GNA14: variants seen among roughly 807,000 people sequenced by gnomAD.
GNA14 encodes G protein subunit alpha 14, also known as guanine nucleotide-binding protein subunit alpha-14.
A neutral mutation model predicts 42.0 loss-of-function variants in GNA14; 50 were observed. The observed-to-expected ratio is 1.19, with a 90% CI of 0.95 to 1.51. The LOEUF (loss-of-function observed/expected upper bound fraction) is 1.51. Ranked by LOEUF, GNA14 falls within the 40% of genes most tolerant of loss-of-function variation. The pLI is 0.00. For synonymous variants in GNA14, 173 were observed against 163.1 expected, an observed-to-expected ratio of 1.06 and a Z score of -0.46; for missense variants, 473 against 446.2, an observed-to-expected ratio of 1.06 and a Z score of -0.54.
intron 2 of GNA14, among the ~76,000 whole-genome samples, chr9:77,497,868 T>G (rs1300560851): frequency 1.3e-5 from 2 of 151,716 alleles, no homozygotes; most frequent in Non-Finnish European, 2.9e-5. Context: ...GCAACACGAA[T>G]TAGCATAAAT....
chr9:77,566,057 A>T (rs2131792328), intron 1 of GNA14, among the ~76,000 whole-genome samples: 1 of 152,132 alleles, frequency 6.6e-6, no homozygotes, highest in Middle Eastern at 3.4e-3. Flanking sequence ...AAAGCAAAGA[A>T]CTGGCTGGCC....
chr9:77,425,747 T>C (rs1250766395), intron 5 of GNA14, 32 bp from the exon 6 acceptor site: 5 of 1,526,114 alleles, frequency 3.3e-6, no homozygotes, highest in South Asian at 1.2e-5. Context: ...TGGGATGAAG[T>C]AGAAAGGAAA....
chr9:77,458,909 G>GGGGA (rs1564020482), intron 2 of GNA14, among the ~76,000 whole-genome samples: 1 of 151,098 alleles, frequency 6.6e-6, no homozygotes, highest in Non-Finnish European at 1.5e-5. Flanking sequence ...GCTGGAGGGG[G>GGGGA]GGGGGTTGTC....
At chr9:77,557,584 T>C (rs1822805097) in intron 1 of GNA14, among the ~76,000 whole-genome samples, 1 of 152,172 alleles carries the variant, frequency 6.6e-6, no homozygotes, top group Non-Finnish European at 1.5e-5. Flanking sequence ...ATCTTTTCAA[T>C]AACTAACAAA....
intron 1 of GNA14, among the ~76,000 whole-genome samples, chr9:77,624,748 G>A (rs1229646607): frequency 6.6e-6 from 1 of 152,086 alleles, no homozygotes; most frequent in East Asian, 1.9e-4. Flanking sequence ...CCCATCCAAA[G>A]GTCACCAACA....
rs138686336 is a variant in GNA14 at position 77,647,697 on chromosome 9, G to A, written c.97C>T (p.Arg33Cys). The A allele has an allele frequency of 3.2e-3, 5,200 of 1,610,094 alleles. 55 individuals carry two copies. In the Middle Eastern group the frequency reaches 0.037, roughly 11 times the overall value. The change falls in exon 1 of 7, where the codon CGC becomes TGC. Residue 33 changes from arginine to cysteine, a missense_variant. Physicochemically the swap from Arg to Cys is radical, Grantham distance 180 (BLOSUM62 -3). Transcript: ENST00000341700. ...AGCAGCAGCAGCTTAAGCTCACGGC[G>A]CGCGTCCTTCTTGTCCCGACGAAGC... is the stretch of plus-strand genomic sequence containing the variant. ...RQLRRDKKDA[R>C]RELKLLLLGT... is the part of the protein sequence containing the mutation.
At chr9:77,496,408 C>A (rs1836869535) in intron 2 of GNA14, among the ~76,000 whole-genome samples, 1 of 152,238 alleles carries the variant, frequency 6.6e-6, no homozygotes, top group African/African-American at 2.4e-5. Flanking sequence ...CTACAATGCC[C>A]TGTTTATTCA....
At chr9:77,459,484 A>AG (rs933233561) in intron 2 of GNA14, among the ~76,000 whole-genome samples, 3 of 151,850 alleles carry the variant, frequency 2.0e-5, no homozygotes, top group Non-Finnish European at 4.4e-5. Context: ...GGCAGTGTGC[A>AG]GACCCAGGAT....
intron 2 of GNA14, among the ~76,000 whole-genome samples, chr9:77,527,507 C>G (rs1837458808): frequency 6.6e-6 from 1 of 152,174 alleles, no homozygotes; most frequent in Non-Finnish European, 1.5e-5. Context: ...TTTTTTTAAG[C>G]TCATCAGCTA....
chr9:77,603,860 T>G (rs1587844964), intron 1 of GNA14, among the ~76,000 whole-genome samples: 1 of 142,026 alleles, frequency 7.0e-6, no homozygotes, highest in African/African-American at 2.6e-5. Context: ...GGGAGAATGG[T>G]GTGAACCTGG....
chr9:77,572,542 A>T (rs768973783), intron 1 of GNA14, among the ~76,000 whole-genome samples: 3 of 152,236 alleles, frequency 2.0e-5, no homozygotes, highest in Non-Finnish European at 2.9e-5. Flanking sequence ...ATGTGTAATA[A>T]ACTGATCTGT....
intron 1 of GNA14, among the ~76,000 whole-genome samples, chr9:77,531,539 C>T (rs1326278095): frequency 1.3e-5 from 2 of 152,104 alleles, no homozygotes; most frequent in African/African-American, 4.8e-5. Context: ...TTATTCCACC[C>T]GGCAGAGTTG....
intron 2 of GNA14, among the ~76,000 whole-genome samples, chr9:77,435,545 A>G (rs575180419): frequency 7.9e-5 from 12 of 151,974 alleles, no homozygotes; most frequent in Non-Finnish European, 1.5e-5. Flanking sequence ...ACCACTGATT[A>G]TTATATTACC....
intron 2 of GNA14, among the ~76,000 whole-genome samples, chr9:77,445,552 GAAAAAAAAAAAAA>G (rs762651584): frequency 1.3e-4 from 7 of 55,958 alleles, no homozygotes; most frequent in Admixed American, 2.0e-4. Context: ...TCTCTAAGAA[GAAAAAAAAAAAAA>G]AAAAAAAAGA....
At chr9:77,507,952 A>G (rs1186491106) in intron 2 of GNA14, among the ~76,000 whole-genome samples, 3 of 152,140 alleles carry the variant, frequency 2.0e-5, no homozygotes, top group Non-Finnish European at 4.4e-5. Flanking sequence ...TCCTGACCTC[A>G]GGTGATCCAC....
At chr9:77,467,428 C>T (rs78482195) in intron 2 of GNA14, among the ~76,000 whole-genome samples, 5,346 of 151,568 alleles carry the variant, frequency 0.035, 226 homozygotes, top group African/African-American at 0.099. Context: ...GTGTACACCA[C>T]GCTTCTGGAG....
chr9:77,515,459 C>T (rs1054703083), intron 2 of GNA14, among the ~76,000 whole-genome samples: 4 of 152,196 alleles, frequency 2.6e-5, no homozygotes, highest in African/African-American at 7.2e-5. Context: ...TGCCAAAAAC[C>T]ACAAGGCTTG....
At chr9:77,517,088 C>G (rs1207697390) in intron 2 of GNA14, among the ~76,000 whole-genome samples, 1 of 152,150 alleles carries the variant, frequency 6.6e-6, no homozygotes, top group Non-Finnish European at 1.5e-5. Context: ...AAATCGTCCT[C>G]CAATCATTTA....
intron 2 of GNA14, among the ~76,000 whole-genome samples, chr9:77,483,390 T>C (rs1156999830): frequency 6.6e-6 from 1 of 152,128 alleles, no homozygotes; most frequent in East Asian, 1.9e-4. Flanking sequence ...ACAGCGGATA[T>C]GGGTGACCTG....
Sources: gnomAD v4.1 joint callset for allele counts (sites outside exome capture counted in the v4.1 genomes callset) on GRCh38, gnomAD v4.1.1 for gene constraint, MANE v1.5 for transcripts, NCBI Gene and HGNC (gene_info 2026-07-23, HGNC 2026-07-21) for gene names.